Variants in KCNH1 observed in about 807,000 individuals in gnomAD.
KCNH1 encodes voltage-gated delayed rectifier potassium channel KCNH1.
Under a neutral mutation model 69.2 loss-of-function variants are expected in KCNH1, and 27 were observed. The ratio of observed to expected loss-of-function variants is 0.39; its 90% CI spans 0.29 to 0.54. The LOEUF is 0.54. Ranked by LOEUF, KCNH1 falls within the 20% of genes least tolerant of loss-of-function variation. The pLI, the probability that KCNH1 is intolerant of heterozygous loss-of-function variation, is 0.68. For synonymous variants in KCNH1, 456 were observed against 487.7 expected (o/e 0.93, Z 0.86); for missense variants, 798 against 1,261.6 (o/e 0.63, Z 5.57).
intron 7 of KCNH1, among the ~76,000 whole-genome samples, chr1:210,817,872 T>C (rs1313878676): frequency 6.6e-6 from 1 of 152,206 alleles, no homozygotes; most frequent in Non-Finnish European, 1.5e-5. Context: ...TTGACATTTG[T>C]GGCCAATTAC....
At chr1:210,838,772 C>G (rs557927960) in intron 7 of KCNH1, among the ~76,000 whole-genome samples, 1 of 152,140 alleles carries the variant, frequency 6.6e-6, no homozygotes, top group African/African-American at 2.4e-5. Flanking sequence ...AGACACTTCT[C>G]AAAAGAAGAC....
intron 6 of KCNH1, among the ~76,000 whole-genome samples, chr1:210,999,964 AC>A (rs779650947): frequency 2.0e-5 from 3 of 152,134 alleles, no homozygotes; most frequent in East Asian, 1.9e-4. Context: ...AAATTCAACA[AC>A]CCTTCATGTT....
chr1:210,862,263 GA>G, intron 7 of KCNH1: 1 of 1,033,218 alleles, frequency 9.7e-7, no homozygotes, highest in East Asian at 2.5e-5. Context: ...GCAGGGCCTC[GA>G]TAATGGTGTT....
At chr1:211,103,346 A>G (rs963986109) in intron 3 of KCNH1, 150 bp downstream of exon 3, 4 of 560,296 alleles carry the variant, frequency 7.1e-6, no homozygotes, top group African/African-American at 3.8e-5. Flanking sequence ...TGATCAATCT[A>G]TATCATCCAT....
intron 7 of KCNH1, among the ~76,000 whole-genome samples, chr1:210,909,340 C>T (rs1248913130): frequency 6.6e-6 from 1 of 152,216 alleles, no homozygotes; most frequent in Non-Finnish European, 1.5e-5. Flanking sequence ...CATCCAACAC[C>T]TACCAAAGTC....
chr1:210,881,724 A>T (rs986623223), intron 7 of KCNH1, among the ~76,000 whole-genome samples: 1 of 152,252 alleles, frequency 6.6e-6, no homozygotes, highest in African/African-American at 2.4e-5. Flanking sequence ...TTATGAAGCC[A>T]TGAAAAGACA....
intron 5 of KCNH1, among the ~76,000 whole-genome samples, chr1:211,034,297 T>G (rs924864442): frequency 2.0e-5 from 3 of 151,790 alleles, no homozygotes; most frequent in Non-Finnish European, 2.9e-5. Flanking sequence ...TCTGGATGAA[T>G]CTCCAGAGAC....
At chr1:211,126,511 A>AG (rs57970474) in intron 1 of KCNH1, among the ~76,000 whole-genome samples, 3 of 113,424 alleles carry the variant, frequency 2.6e-5, no homozygotes, top group Non-Finnish European at 5.7e-5. Context: ...CTCTGTCTCC[A>AG]AAAAAAAAAA....
chr1:210,885,209 C>A (rs1386088604), intron 7 of KCNH1, among the ~76,000 whole-genome samples: 1 of 152,154 alleles, frequency 6.6e-6, no homozygotes, highest in Non-Finnish European at 1.5e-5. Flanking sequence ...ACTGAGGTAC[C>A]CGGCTCATCT....
chr1:210,798,071 G>C (rs1433661071), intron 8 of KCNH1, among the ~76,000 whole-genome samples: 1 of 139,788 alleles, frequency 7.2e-6, no homozygotes, highest in Admixed American at 7.2e-5. Flanking sequence ...ACAGAGTCTT[G>C]CTCTGTCTCC....
intron 6 of KCNH1, among the ~76,000 whole-genome samples, chr1:210,938,722 T>C (rs902112747): frequency 2.0e-5 from 3 of 152,170 alleles, no homozygotes; most frequent in African/African-American, 4.8e-5. Flanking sequence ...CTCCTACCCA[T>C]CCTCAAATAC....
chr1:210,889,604 G>A (rs188124676), intron 7 of KCNH1, among the ~76,000 whole-genome samples: 65 of 152,312 alleles, frequency 4.3e-4, no homozygotes, highest in African/African-American at 1.5e-3. Flanking sequence ...AGGAAGAGAG[G>A]AAGTCAAATT....
intron 5 of KCNH1, among the ~76,000 whole-genome samples, chr1:211,064,222 C>T (rs1031207043): frequency 2.0e-5 from 3 of 152,070 alleles, no homozygotes; most frequent in African/African-American, 7.2e-5. Flanking sequence ...GAGACAAATG[C>T]TCTTAGGAAA....
At chr1:211,078,616 G>A (rs1008381014) in intron 5 of KCNH1, among the ~76,000 whole-genome samples, 2 of 152,188 alleles carry the variant, frequency 1.3e-5, no homozygotes, top group Admixed American at 6.5e-5. Context: ...CACATTTAAA[G>A]CAGTATGTAG....
chr1:211,085,868 C>T (rs563665408), intron 4 of KCNH1, among the ~76,000 whole-genome samples: 1 of 152,312 alleles, frequency 6.6e-6, no homozygotes, highest in South Asian at 2.1e-4. Flanking sequence ...ACAACCCAAA[C>T]TGAACTTAGC....
At chr1:211,078,810 C>T (rs999329932) in intron 5 of KCNH1, among the ~76,000 whole-genome samples, 15 of 149,798 alleles carry the variant, frequency 1.0e-4, no homozygotes, top group South Asian at 4.2e-4. Context: ...CCCAGCTGCT[C>T]GGGAGGCTGA....
rs545417518 is a variant in KCNH1, at chr1:210,704,672, C to G, written c.2113-20534G>C. Among the ~76,000 whole-genome samples, 14 of 152,274 alleles carry G rather than the reference C, an allele frequency of 9.2e-5. No homozygotes were observed. In the East Asian group the frequency reaches 2.7e-3, roughly 29 times the overall value. ...GAGAGAGACAAGATCCATGGCTCTT[C>G]CAAACCCAAATGCTATTCTCCTTTT... On this transcript the variant is annotated intron_variant, in intron 10 of 10. Coordinates refer to ENST00000271751, the MANE Select transcript of KCNH1 (RefSeq NM_172362.3).
intron 9 of KCNH1, among the ~76,000 whole-genome samples, 156 bp downstream of exon 9, chr1:210,797,352 G>A (rs967770217): frequency 1.3e-5 from 2 of 152,196 alleles, no homozygotes; most frequent in African/African-American, 4.8e-5. Context: ...TGCCAAACAG[G>A]CTCTCGCCGT....
chr1:210,853,946 C>CAAACAAAAAAAA, intron 7 of KCNH1, among the ~76,000 whole-genome samples: 1 of 61,532 alleles, frequency 1.6e-5, no homozygotes, highest in Non-Finnish European at 2.7e-5. Flanking sequence ...TTATCTAAGC[C>CAAACAAAAAAAA]AAAAAAAAAA....
Sources: gnomAD v4.1 joint callset for allele counts (sites outside exome capture counted in the v4.1 genomes callset) on GRCh38, gnomAD v4.1.1 for gene constraint, MANE v1.5 for transcripts, NCBI Gene and HGNC (gene_info 2026-07-23, HGNC 2026-07-21) for gene names.